DOCK1: variants seen among roughly 807,000 people sequenced by gnomAD.
DOCK1 encodes the protein dedicator of cytokinesis protein 1.
In DOCK1, 138 loss-of-function variants were observed where a neutral mutation model predicts 262.7. The ratio of observed to expected loss-of-function variants is 0.53; its 90% CI spans 0.46 to 0.61. The LOEUF is 0.61. Among genes scored for constraint, DOCK1 ranks in the 20% least tolerant of loss-of-function variants. The pLI, the probability that DOCK1 is intolerant of heterozygous loss-of-function variation, is 0.00. For synonymous variants in DOCK1, 866 were observed against 867.4 expected, an observed-to-expected ratio of 1.00 and a Z score of 0.03; for missense variants, 1,908 against 2,370.7, an observed-to-expected ratio of 0.80 and a Z score of 4.05.
intron 27 of DOCK1, among the ~76,000 whole-genome samples, chr10:127,156,117 GA>G (rs1275404296): frequency 2.0e-5 from 3 of 152,252 alleles, no homozygotes; most frequent in East Asian, 3.9e-4. Flanking sequence ...TAAGCTTATA[GA>G]ACCTTCCTGC....
intron 29 of DOCK1, among the ~76,000 whole-genome samples, chr10:127,289,194 A>G (rs1003797593): frequency 2.0e-5 from 3 of 152,190 alleles, no homozygotes; most frequent in Non-Finnish European, 4.4e-5. Flanking sequence ...ACATACTTGT[A>G]TTCCCATCCC....
intron 16 of DOCK1, among the ~76,000 whole-genome samples, chr10:127,026,824 C>T (rs960671796): frequency 6.6e-6 from 1 of 152,178 alleles, no homozygotes; most frequent in African/African-American, 2.4e-5. Context: ...CCCTTGCTGT[C>T]TGGAGCTCAG....
intron 27 of DOCK1, among the ~76,000 whole-genome samples, chr10:127,196,548 C>T (rs1483927637): frequency 2.0e-5 from 3 of 147,322 alleles, no homozygotes; most frequent in Non-Finnish European, 4.5e-5. Flanking sequence ...AGCCGCGCGC[C>T]TGCCGCCTGT....
At chr10:126,936,794 A>C (rs1305506007) in intron 1 of DOCK1, among the ~76,000 whole-genome samples, 1 of 152,106 alleles carries the variant, frequency 6.6e-6, no homozygotes, top group African/African-American at 2.4e-5. Context: ...GGCAAAACAT[A>C]CATACCATGA....
intron 27 of DOCK1, among the ~76,000 whole-genome samples, chr10:127,239,702 T>G (rs1423244985): frequency 6.6e-6 from 1 of 152,164 alleles, no homozygotes; most frequent in Non-Finnish European, 1.5e-5. Context: ...TTATAGTGTG[T>G]TTTCAGATCC....
intron 1 of DOCK1, among the ~76,000 whole-genome samples, chr10:126,945,840 C>T (rs916830152): frequency 2.0e-5 from 3 of 152,324 alleles, no homozygotes; most frequent in East Asian, 1.9e-4. Flanking sequence ...AGTTCAGTGT[C>T]GGAGTGGCCA....
At chr10:126,956,642 C>T (rs1051174594) in intron 1 of DOCK1, among the ~76,000 whole-genome samples, 2 of 152,300 alleles carry the variant, frequency 1.3e-5, no homozygotes, top group Non-Finnish European at 2.9e-5. Context: ...TGTAGGGTGG[C>T]CCCGGCTGGA....
chr10:127,308,908 T>C (rs1319212950), intron 29 of DOCK1, among the ~76,000 whole-genome samples: 2 of 152,260 alleles, frequency 1.3e-5, no homozygotes, highest in Non-Finnish European at 2.9e-5. Context: ...CGTGTGCATG[T>C]GTCTTTGCAG....
intron 28 of DOCK1, among the ~76,000 whole-genome samples, chr10:127,255,667 G>T (rs941827989): frequency 2.6e-5 from 4 of 152,206 alleles, no homozygotes; most frequent in African/African-American, 4.8e-5. Context: ...TAACAGCTGA[G>T]CCATACTAAT....
intron 27 of DOCK1, among the ~76,000 whole-genome samples, chr10:127,146,407 A>G (rs1451856617): frequency 6.6e-6 from 1 of 152,214 alleles, no homozygotes; most frequent in Admixed American, 6.5e-5. Context: ...ATCCGTACAT[A>G]TTCGAGGGAC....
At chr10:127,130,419 C>G (rs1564824875) in intron 27 of DOCK1, among the ~76,000 whole-genome samples, 1 of 152,118 alleles carries the variant, frequency 6.6e-6, no homozygotes, top group Non-Finnish European at 1.5e-5. Flanking sequence ...TGTGTGTTCA[C>G]TTGACTTGTA....
At chr10:127,384,946 T>C (rs771131173) in intron 38 of DOCK1, 37 bp downstream of exon 38, 1 of 1,541,782 alleles carries the variant, frequency 6.5e-7, no homozygotes. Flanking sequence ...GTTTTCCTCT[T>C]TCCATGCACC....
intron 1 of DOCK1, among the ~76,000 whole-genome samples, chr10:126,910,137 A>G (rs1033203318): frequency 1.0e-4 from 16 of 152,390 alleles, no homozygotes; most frequent in African/African-American, 3.8e-4. Flanking sequence ...AGATTTGATC[A>G]TAAGTAAATA....
intron 27 of DOCK1, among the ~76,000 whole-genome samples, chr10:127,227,243 G>C (rs1370186859): frequency 1.3e-5 from 2 of 152,180 alleles, no homozygotes. Flanking sequence ...GGCCCCTTTA[G>C]GGCCATGGCA....
chr10:127,146,876 G>A (rs952076759), intron 27 of DOCK1, among the ~76,000 whole-genome samples: 1 of 152,164 alleles, frequency 6.6e-6, no homozygotes, highest in Non-Finnish European at 1.5e-5. Flanking sequence ...TTAACAATAG[G>A]TCTCCATTAG....
chr10:127,413,334 G>A (rs920916285), intron 43 of DOCK1, among the ~76,000 whole-genome samples: 2 of 152,194 alleles, frequency 1.3e-5, no homozygotes, highest in Non-Finnish European at 2.9e-5. Context: ...TCCCCTAATG[G>A]CCCTGTTGAG....
At chr10:127,391,686 CT>C (rs2066488233) in intron 38 of DOCK1, among the ~76,000 whole-genome samples, 1 of 152,076 alleles carries the variant, frequency 6.6e-6, no homozygotes, top group Non-Finnish European at 1.5e-5. Context: ...ACCTGGGCCA[CT>C]TCTGAACAAC....
chr10:127,201,816 T>G (rs565862225), intron 27 of DOCK1, among the ~76,000 whole-genome samples: 15 of 152,258 alleles, frequency 9.9e-5, no homozygotes, highest in Middle Eastern at 6.8e-3. Context: ...TTGTTGACCT[T>G]TATTTGGTCA....
intron 15 of DOCK1, 185 bp downstream of exon 15, chr10:127,024,968 C>T (rs2042723444): frequency 2.0e-6 from 1 of 491,906 alleles, no homozygotes; most frequent in East Asian, 3.1e-5. Flanking sequence ...CATTTACTCT[C>T]ATCTCCTTTT....
Sources: gnomAD v4.1 joint callset for allele counts (sites outside exome capture counted in the v4.1 genomes callset) on GRCh38, gnomAD v4.1.1 for gene constraint, MANE v1.5 for transcripts, NCBI Gene and HGNC (gene_info 2026-07-23, HGNC 2026-07-21) for gene names.